NCOA2: variants seen among roughly 807,000 people sequenced by gnomAD.
NCOA2 encodes the protein nuclear receptor coactivator 2.
In NCOA2, 21 loss-of-function variants were observed where a neutral mutation model predicts 145.1. The ratio of observed to expected loss-of-function variants is 0.14; its 90% CI spans 0.10 to 0.21. The LOEUF is 0.21. NCOA2 is among the 10% of genes least tolerant of loss of function. The pLI, the probability that NCOA2 is intolerant of heterozygous loss-of-function variation, is 1.00. For synonymous variants in NCOA2, 619 were observed against 637.5 expected (o/e 0.97, Z 0.44); for missense variants, 1,472 against 1,837.6 (o/e 0.80, Z 3.64).
chr8:70,272,834 TAG>T (rs757243588), intron 2 of NCOA2, among the ~76,000 whole-genome samples: 10 of 152,148 alleles, frequency 6.6e-5, no homozygotes, highest in Non-Finnish European at 1.2e-4. Context: ...ATTCAATATG[TAG>T]AGATTTATTA....
chr8:70,112,971 C>T lies in NCOA2; in HGVS notation c.*661G>A. 5.0e-6 allele frequency: 1 copy of T among 199,270 alleles called. No individual in the cohort carries two copies. The highest frequency in any genetic ancestry group is 1.0e-5 in the Non-Finnish European group (1 of 96,374). 12.3% of individuals were successfully genotyped at this position (199,270 alleles called of 1,614,324 possible). On this transcript the variant is annotated 3_prime_UTR_variant, in exon 23 of 23. Coordinates refer to ENST00000452400, the MANE Select transcript of NCOA2 (RefSeq NM_006540.4). Reference sequence around the variant, plus strand: ...TATTTGCTAATGTTAACAGCCCTCTCACAGGCTCCTTTTCATCTGTTCAGT... The same window carrying T: ...TATTTGCTAATGTTAACAGCCCTCTTACAGGCTCCTTTTCATCTGTTCAGT...
intron 5 of NCOA2, among the ~76,000 whole-genome samples, chr8:70,174,202 G>A (rs974238813): frequency 9.2e-5 from 14 of 152,112 alleles, no homozygotes; most frequent in African/African-American, 3.4e-4. Flanking sequence ...GTAGACATTA[G>A]CTGGTCATAA....
chr8:70,273,793 C>T, intron 2 of NCOA2: 1 of 581,462 alleles, frequency 1.7e-6, no homozygotes, highest in South Asian at 1.4e-5. Flanking sequence ...GATGAAGTTC[C>T]AGATCTTGTG....
the NCOA2 span, among the ~76,000 whole-genome samples, chr8:70,440,978 GAGAA>G: frequency 1.5e-5 from 2 of 136,744 alleles, no homozygotes; most frequent in Admixed American, 1.5e-4. Flanking sequence ...GAAAGGGAGA[GAGAA>G]AGAAAGAGGA....
In NCOA2 at chr8:70,159,243, T is replaced by TATATATATATATATATATATGTATATATA. The variant is rs869045939; in HGVS notation, c.1124+261_1124+262insTATATATACATATATATATATATATATAT. On this transcript the variant is annotated intron_variant, in intron 10 of 22. Transcript: ENST00000452400. ...AACATTATATATATATATATATATA[T>TATATATATATATATATATATGTATATATA]TTTTTTTTTTTTCCCCCAAATATTT... is the stretch of plus-strand genomic sequence containing the variant. 4.0e-4 allele frequency among the ~76,000 whole-genome samples: 33 copies of TATATATATATATATATATATGTATATATA among 82,044 alleles called. 1 individual carries two copies. Among genetic ancestry groups the TATATATATATATATATATATGTATATATA allele is most frequent in the East Asian group, 3.2e-3 (8 of 2,532 alleles). 53.8% of individuals were successfully genotyped at this position (82,044 alleles called of 152,430 possible).
At chr8:70,393,925 A>T (rs970297009) in intron 1 of NCOA2, among the ~76,000 whole-genome samples, 7 of 152,120 alleles carry the variant, frequency 4.6e-5, no homozygotes, top group Non-Finnish European at 7.3e-5. Flanking sequence ...GTTGTTGTTC[A>T]CTGTCAGTAA....
chr8:70,423,520 T>C, the NCOA2 span, among the ~76,000 whole-genome samples: 14 of 152,096 alleles, frequency 9.2e-5, no homozygotes, highest in African/African-American at 3.4e-4. Flanking sequence ...CAGGAGATCA[T>C]AAGATGAAAA....
the NCOA2 span, among the ~76,000 whole-genome samples, chr8:70,419,321 T>C: frequency 3.3e-5 from 5 of 152,288 alleles, no homozygotes; most frequent in East Asian, 9.6e-4. Context: ...GGATATATTT[T>C]ATATAGCATG....
the NCOA2 span, among the ~76,000 whole-genome samples, chr8:70,413,494 C>G: frequency 0.032 from 4,887 of 152,220 alleles, 248 homozygotes; most frequent in African/African-American, 0.11. Context: ...ATCCAGAAAC[C>G]TATGTTAATG....
the NCOA2 span, among the ~76,000 whole-genome samples, chr8:70,416,220 G>A: frequency 4.8e-5 from 7 of 145,800 alleles, no homozygotes; most frequent in African/African-American, 7.8e-5. Context: ...CTCTTAATGC[G>A]CTCAGCTGAT....
intron 21 of NCOA2, among the ~76,000 whole-genome samples, chr8:70,122,326 T>C (rs1279351581): frequency 2.0e-5 from 3 of 152,212 alleles, no homozygotes; most frequent in Admixed American, 2.0e-4. Context: ...CTTAGCTCAC[T>C]GCAGCCTCAA....
At chr8:70,120,608 C>T (rs1448015424) in intron 22 of NCOA2, among the ~76,000 whole-genome samples, 1 of 152,102 alleles carries the variant, frequency 6.6e-6, no homozygotes, top group Non-Finnish European at 1.5e-5. Context: ...GTAATCCCAG[C>T]TACTCAAGAG....
At chr8:70,162,129 G>A (rs116291888) in intron 9 of NCOA2, among the ~76,000 whole-genome samples, 1,812 of 152,248 alleles carry the variant, frequency 0.012, 49 homozygotes, top group African/African-American at 0.042. Context: ...CCAGTGAGAG[G>A]AGGCAAAAGG....
chr8:70,329,002 C>CTGGA (rs1806838256), intron 1 of NCOA2, among the ~76,000 whole-genome samples: 2 of 152,136 alleles, frequency 1.3e-5, no homozygotes, highest in Non-Finnish European at 2.9e-5. Flanking sequence ...GTCACCCAAG[C>CTGGA]TGGAGTGCAG....
At chr8:70,336,993 A>G (rs930457061) in intron 1 of NCOA2, among the ~76,000 whole-genome samples, 4 of 152,208 alleles carry the variant, frequency 2.6e-5, no homozygotes, top group African/African-American at 9.6e-5. Context: ...AAAATAGCCA[A>G]AAATAAGAGA....
At chr8:70,296,958 C>T (rs1563735455) in intron 1 of NCOA2, among the ~76,000 whole-genome samples, 158 bp from the exon 2 acceptor site, 1 of 152,176 alleles carries the variant, frequency 6.6e-6, no homozygotes, top group Non-Finnish European at 1.5e-5. Context: ...TATTAAATCG[C>T]ATGGTAAATC....
chr8:70,117,323 C>T (rs1157261189), intron 22 of NCOA2, among the ~76,000 whole-genome samples: 1 of 152,214 alleles, frequency 6.6e-6, no homozygotes, highest in Non-Finnish European at 1.5e-5. Flanking sequence ...GATTCAGTCT[C>T]ATCTGAAATG....
intron 4 of NCOA2, among the ~76,000 whole-genome samples, chr8:70,181,189 C>T (rs1277105162): frequency 6.6e-6 from 1 of 152,150 alleles, no homozygotes; most frequent in Non-Finnish European, 1.5e-5. Context: ...GGCAGTCATG[C>T]TCAAGGGACA....
At chr8:70,204,052 C>T (rs1818192964) in intron 4 of NCOA2, among the ~76,000 whole-genome samples, 1 of 151,820 alleles carries the variant, frequency 6.6e-6, no homozygotes, top group Non-Finnish European at 1.5e-5. Flanking sequence ...CGCTCTATCA[C>T]CCATGAGTGC....
Sources: allele counts gnomAD v4.1 joint callset (sites outside exome capture counted in the v4.1 genomes callset), GRCh38; gene constraint gnomAD v4.1.1; transcripts MANE v1.5; gene names NCBI Gene and HGNC (gene_info 2026-07-23, HGNC 2026-07-21).